Variants in VWA3B observed in about 807,000 individuals in gnomAD.
VWA3B encodes the protein von Willebrand factor A domain-containing protein 3B.
A neutral mutation model predicts 158.3 loss-of-function variants in VWA3B; 138 were observed. The observed-to-expected ratio is 0.87, with a 90% CI of 0.76 to 1.00. VWA3B has a LOEUF of 1.00. VWA3B is among the 50% of genes least tolerant of loss of function. The probability of loss-of-function intolerance (pLI) is 0.00; values close to 1 mark genes in which losing one functional copy is unlikely to be tolerated. For missense variants in VWA3B, 1,555 were observed against 1,565.1 expected (o/e 0.99, Z 0.11); for synonymous variants, 596 against 587.3 (o/e 1.01, Z -0.21).
intron 7 of VWA3B, 22 bp downstream of exon 7, chr2:98,133,961 T>C (rs752322649): frequency 1.8e-5 from 29 of 1,604,246 alleles, no homozygotes; most frequent in Non-Finnish European, 7.7e-6. Flanking sequence ...CCAAAAGAAG[T>C]GGTGTAGCTT....
At chr2:98,319,173 T>A in the VWA3B span, among the ~76,000 whole-genome samples, 1 of 150,582 alleles carries the variant, frequency 6.6e-6, no homozygotes, top group African/African-American at 2.5e-5. Context: ...TAAAATTAGA[T>A]CCATGCCTCA....
intron 24 of VWA3B, among the ~76,000 whole-genome samples, chr2:98,298,331 T>C (rs1453189392): frequency 6.6e-6 from 1 of 152,164 alleles, no homozygotes; most frequent in Non-Finnish European, 1.5e-5. Flanking sequence ...GGGAAGGACA[T>C]TGCTGTAGCT....
chr2:98,105,896 TTTTA>T (rs569443221), intron 2 of VWA3B, among the ~76,000 whole-genome samples: 4 of 151,954 alleles, frequency 2.6e-5, no homozygotes, highest in African/African-American at 9.7e-5. Flanking sequence ...TCTATTTTGT[TTTTA>T]TTTATTTATT....
At chr2:98,308,605 C>T (rs1034861179) in intron 26 of VWA3B, among the ~76,000 whole-genome samples, 2 of 152,210 alleles carry the variant, frequency 1.3e-5, no homozygotes, top group African/African-American at 4.8e-5. Context: ...CCCTGGCGTC[C>T]CGTTCCCATC....
chr2:98,176,183 A>C (rs904030038), intron 8 of VWA3B, among the ~76,000 whole-genome samples: 20 of 151,964 alleles, frequency 1.3e-4, no homozygotes, highest in Non-Finnish European at 4.4e-5. Flanking sequence ...TTTTCCTGAC[A>C]GTTGTTATGT....
At chr2:98,107,326 T>C (rs1673746597) in intron 2 of VWA3B, among the ~76,000 whole-genome samples, 2 of 152,144 alleles carry the variant, frequency 1.3e-5, no homozygotes, top group African/African-American at 4.8e-5. Context: ...TGTCTGGTTT[T>C]GGTATGACAA....
intron 26 of VWA3B, among the ~76,000 whole-genome samples, chr2:98,305,412 C>T (rs1440421039): frequency 6.6e-6 from 1 of 152,144 alleles, no homozygotes; most frequent in Admixed American, 6.5e-5. Context: ...GCCCTGCCCT[C>T]ATTAGTTTTG....
intron 22 of VWA3B, among the ~76,000 whole-genome samples, chr2:98,279,296 G>A (rs980911336): frequency 3.9e-5 from 6 of 152,130 alleles, no homozygotes; most frequent in African/African-American, 1.4e-4. Context: ...TCAACTCTGG[G>A]GATCCCTGAG....
At chr2:98,304,754 T>G (rs1352647104) in intron 26 of VWA3B, among the ~76,000 whole-genome samples, 5 of 152,072 alleles carry the variant, frequency 3.3e-5, no homozygotes. Context: ...ACCTCTCTCC[T>G]TAGCTCCTCT....
At chr2:98,117,469 T>A (rs1674619941) in intron 3 of VWA3B, among the ~76,000 whole-genome samples, 1 of 152,156 alleles carries the variant, frequency 6.6e-6, no homozygotes, top group African/African-American at 2.4e-5. Context: ...GGTCGAACAC[T>A]GGCTGCGCTG....
chr2:98,300,444 A>G (rs1690106774), intron 25 of VWA3B, among the ~76,000 whole-genome samples: 1 of 152,084 alleles, frequency 6.6e-6, no homozygotes, highest in Non-Finnish European at 1.5e-5. Flanking sequence ...CCACTGCTGA[A>G]CCATGCTTTG....
chr2:98,244,304 CTT>C (rs1686256019), intron 19 of VWA3B, among the ~76,000 whole-genome samples: 1 of 152,120 alleles, frequency 6.6e-6, no homozygotes, highest in South Asian at 2.1e-4. Context: ...TCCTGTATCT[CTT>C]TGCTATCCCT....
intron 21 of VWA3B, among the ~76,000 whole-genome samples, chr2:98,258,216 T>G (rs1283609369): frequency 6.6e-6 from 1 of 151,976 alleles, no homozygotes; most frequent in Non-Finnish European, 1.5e-5. Context: ...CTGGTCTATA[T>G]ATGACTATAT....
chr2:98,180,042 TCCTC>T (rs1049870663), intron 8 of VWA3B, among the ~76,000 whole-genome samples: 2 of 149,648 alleles, frequency 1.3e-5, no homozygotes, highest in East Asian at 2.0e-4. Flanking sequence ...TCTCTCTCCT[TCCTC>T]CCTCCCTCCT....
At chr2:98,123,544 A>C (rs546379895) in intron 5 of VWA3B, among the ~76,000 whole-genome samples, 2 of 152,222 alleles carry the variant, frequency 1.3e-5, no homozygotes, top group Non-Finnish European at 2.9e-5. Flanking sequence ...AGAAGAGCAC[A>C]TGCAGAGTGG....
intron 11 of VWA3B, among the ~76,000 whole-genome samples, 170 bp from the exon 12 acceptor site, chr2:98,194,191 T>G (rs1443415642): frequency 6.6e-6 from 1 of 152,180 alleles, no homozygotes; most frequent in African/African-American, 2.4e-5. Flanking sequence ...GGATAAATTT[T>G]ATTTAAATAT....
intron 7 of VWA3B, among the ~76,000 whole-genome samples, chr2:98,138,568 C>CG (rs749586102): frequency 7.9e-4 from 120 of 152,292 alleles, no homozygotes; most frequent in Non-Finnish European, 1.3e-3. Context: ...ATGTGTGGGG[C>CG]GGGGGCGCGG....
chr2:98,169,169 G>A (rs921717834), intron 8 of VWA3B, among the ~76,000 whole-genome samples: 1 of 152,148 alleles, frequency 6.6e-6, no homozygotes, highest in Non-Finnish European at 1.5e-5. Flanking sequence ...ATGAAAAGAC[G>A]GTGGGGCAGC....
At chr2:98,298,217 G>A (rs193289962) in intron 24 of VWA3B, among the ~76,000 whole-genome samples, 186 bp downstream of exon 24, 15 of 152,284 alleles carry the variant, frequency 9.9e-5, no homozygotes, top group East Asian at 3.9e-4. Context: ...TTCTTTGCTC[G>A]TGACCCTGAC....
Sources: gnomAD v4.1 joint callset for allele counts (sites outside exome capture counted in the v4.1 genomes callset) on GRCh38, gnomAD v4.1.1 for gene constraint, MANE v1.5 for transcripts, NCBI Gene and HGNC (gene_info 2026-07-23, HGNC 2026-07-21) for gene names.